Variants in DCC observed in about 807,000 individuals in gnomAD.
The protein encoded by DCC is netrin receptor DCC.
A neutral mutation model predicts 172.5 loss-of-function variants in DCC; 58 were observed. That is an observed-to-expected ratio of 0.34 (90% confidence interval 0.27 to 0.42). The LOEUF is 0.42. Ranked by LOEUF, DCC falls within the 10% of genes least tolerant of loss-of-function variation. The pLI is 1.00. For missense variants in DCC, 1,740 were observed against 1,791.0 expected, an observed-to-expected ratio of 0.97 and a Z score of 0.51; for synonymous variants, 709 against 644.5, an observed-to-expected ratio of 1.10 and a Z score of -1.52.
At chr18:52,605,685 A>T (rs939366368) in intron 1 of DCC, among the ~76,000 whole-genome samples, 7 of 152,144 alleles carry the variant, frequency 4.6e-5, no homozygotes, top group African/African-American at 1.7e-4. Flanking sequence ...GTCTGATTAC[A>T]GTTGGATGAT....
intron 2 of DCC, among the ~76,000 whole-genome samples, chr18:52,895,883 C>T (rs554754616): frequency 6.6e-6 from 1 of 152,180 alleles, no homozygotes; most frequent in East Asian, 1.9e-4. Context: ...CTCCTGGGCT[C>T]AAGTGATTCT....
intron 19 of DCC, among the ~76,000 whole-genome samples, chr18:53,410,029 T>C (rs1170659210): frequency 6.6e-6 from 1 of 152,196 alleles, no homozygotes; most frequent in Non-Finnish European, 1.5e-5. Flanking sequence ...ATGTATAGCA[T>C]TTTATACCTT....
chr18:52,629,448 T>C (rs1309157619), intron 1 of DCC, among the ~76,000 whole-genome samples: 1 of 152,148 alleles, frequency 6.6e-6, no homozygotes, highest in Non-Finnish European at 1.5e-5. Flanking sequence ...ACTCAGATAC[T>C]GGAGGGTGGA....
intron 2 of DCC, among the ~76,000 whole-genome samples, chr18:52,770,461 T>C (rs527830609): frequency 6.6e-6 from 1 of 152,374 alleles, no homozygotes; most frequent in East Asian, 1.9e-4. Context: ...TTGCCAATTA[T>C]AATTTCATTA....
intron 1 of DCC, among the ~76,000 whole-genome samples, chr18:52,618,636 G>T (rs1024231354): frequency 2.0e-5 from 3 of 152,082 alleles, no homozygotes; most frequent in Non-Finnish European, 4.4e-5. Flanking sequence ...TGGTCATCTT[G>T]TGTGAAACAA....
At chr18:52,710,731 A>C (rs1164984929) in intron 1 of DCC, among the ~76,000 whole-genome samples, 1 of 152,252 alleles carries the variant, frequency 6.6e-6, no homozygotes, top group Non-Finnish European at 1.5e-5. Flanking sequence ...ATAAATCCCA[A>C]AGGGAATTTT....
intron 22 of DCC, among the ~76,000 whole-genome samples, chr18:53,439,763 A>ATTTTTTTTTTT (rs1912149119): frequency 8.9e-6 from 1 of 112,398 alleles, no homozygotes. Flanking sequence ...ATGTAGTAGT[A>ATTTTTTTTTTT]TTTTTCTTTT....
At position 53,272,507 on chromosome 18, in the gene DCC, T is replaced by C. The variant is rs530475683; in HGVS notation, c.1912-33071T>C. 3.3e-5 allele frequency among the ~76,000 whole-genome samples: 5 copies of C among 152,262 alleles called. No homozygotes were observed. The East Asian group carries it at 7.8e-4, about 24-fold the overall frequency. ...GTATGCGTATTTCTGCTAGCTATCA[T>C]TACAAAATGATTCTGAGTTATAGTA... On this transcript the variant is annotated intron_variant, in intron 12 of 28. Transcript: ENST00000442544.
intron 1 of DCC, among the ~76,000 whole-genome samples, chr18:52,715,964 T>A (rs1409050704): frequency 6.9e-6 from 1 of 145,232 alleles, no homozygotes; most frequent in African/African-American, 2.4e-5. Flanking sequence ...CCTAACCAGG[T>A]CTGTGATCTC....
At chr18:53,117,742 G>C (rs1012951558) in intron 7 of DCC, among the ~76,000 whole-genome samples, 4 of 151,596 alleles carry the variant, frequency 2.6e-5, no homozygotes, top group African/African-American at 7.3e-5. Flanking sequence ...CGTGATCTCT[G>C]TTGCACCTCC....
At chr18:52,773,522 T>TTATC (rs78584152) in intron 2 of DCC, among the ~76,000 whole-genome samples, 125,993 of 151,452 alleles carry the variant, frequency 0.83, 55,107 homozygotes, top group East Asian at 0.99. Flanking sequence ...ATCTATCTAT[T>TTATC]TATCTATCTA....
intron 1 of DCC, among the ~76,000 whole-genome samples, chr18:52,613,207 G>A (rs1430286756): frequency 6.6e-6 from 1 of 152,008 alleles, no homozygotes; most frequent in Non-Finnish European, 1.5e-5. Flanking sequence ...CATGAAGGAG[G>A]TTTTCTTTTG....
chr18:52,979,595 T>C (rs950912221), intron 5 of DCC, among the ~76,000 whole-genome samples: 2 of 152,068 alleles, frequency 1.3e-5, no homozygotes, highest in Non-Finnish European at 2.9e-5. Flanking sequence ...AGAAAGTAGG[T>C]TCCAAGCAAA....
intron 14 of DCC, among the ~76,000 whole-genome samples, chr18:53,335,274 T>C (rs1387633182): frequency 2.6e-5 from 4 of 152,118 alleles, no homozygotes; most frequent in Non-Finnish European, 5.9e-5. Flanking sequence ...CCTGGATGGG[T>C]CAGTTATTGT....
At chr18:52,439,948 C>T (rs1145247) in intron 1 of DCC, among the ~76,000 whole-genome samples, 108,514 of 152,102 alleles carry the variant, frequency 0.71, 39,788 homozygotes, top group African/African-American at 0.88. Flanking sequence ...AGGAAATAAA[C>T]GGGGCATAGC....
chr18:53,176,708 G>A (rs1440416557), intron 8 of DCC, among the ~76,000 whole-genome samples: 1 of 151,706 alleles, frequency 6.6e-6, no homozygotes. Flanking sequence ...TGGAGAAATA[G>A]GAACACTTTT....
At chr18:52,613,216 T>C (rs903473787) in intron 1 of DCC, among the ~76,000 whole-genome samples, 1 of 152,130 alleles carries the variant, frequency 6.6e-6, no homozygotes, top group Non-Finnish European at 1.5e-5. Context: ...GGTTTTCTTT[T>C]GTCTTGTTTT....
At chr18:52,650,410 G>A (rs1297942133) in intron 1 of DCC, among the ~76,000 whole-genome samples, 1 of 152,172 alleles carries the variant, frequency 6.6e-6, no homozygotes, top group Non-Finnish European at 1.5e-5. Context: ...TACATTATTT[G>A]GGTGATGGTT....
At chr18:52,409,611 A>C (rs1797096879) in intron 1 of DCC, among the ~76,000 whole-genome samples, 1 of 152,134 alleles carries the variant, frequency 6.6e-6, no homozygotes, top group South Asian at 2.1e-4. Flanking sequence ...AATCCATTAG[A>C]GATTGAACAG....
Sources: allele counts gnomAD v4.1 joint callset (sites outside exome capture counted in the v4.1 genomes callset), GRCh38; gene constraint gnomAD v4.1.1; transcripts MANE v1.5; gene names NCBI Gene and HGNC (gene_info 2026-07-23, HGNC 2026-07-21).